MTUS2: variants seen among roughly 807,000 people sequenced by gnomAD.
MTUS2 encodes microtubule-associated tumor suppressor candidate 2.
A neutral mutation model predicts 114.1 loss-of-function variants in MTUS2; 40 were observed. That is an observed-to-expected ratio of 0.35 (90% confidence interval 0.27 to 0.46). The LOEUF is 0.46. Among genes scored for constraint, MTUS2 ranks in the 20% least tolerant of loss-of-function variants. The pLI, the probability that MTUS2 is intolerant of heterozygous loss-of-function variation, is 1.00. For synonymous variants in MTUS2, 688 were observed against 672.0 expected, an observed-to-expected ratio of 1.02 and a Z score of -0.37; for missense variants, 1,679 against 1,705.4, an observed-to-expected ratio of 0.98 and a Z score of 0.27.
At chr13:29,261,488 C>G (rs1291264719) in intron 5 of MTUS2, among the ~76,000 whole-genome samples, 7 of 152,232 alleles carry the variant, frequency 4.6e-5, no homozygotes, top group African/African-American at 1.4e-4. Context: ...TGTAATAATC[C>G]ACAAGTCCCT....
At chr13:28,997,853 G>T (rs9670121) in intron 2 of MTUS2, among the ~76,000 whole-genome samples, 8 of 152,146 alleles carry the variant, frequency 5.3e-5, no homozygotes, top group African/African-American at 1.9e-4. Context: ...CAATTTGCCA[G>T]TCTGTGCCTT....
chr13:28,902,024 C>A (rs1495936), intron 2 of MTUS2, among the ~76,000 whole-genome samples: 34,276 of 152,024 alleles, frequency 0.23, 6,738 homozygotes, highest in African/African-American at 0.53. Flanking sequence ...GAATTTAAAA[C>A]TTTTCAGCTT....
At chr13:29,193,112 C>T (rs1274269273) in intron 5 of MTUS2, among the ~76,000 whole-genome samples, 1 of 152,134 alleles carries the variant, frequency 6.6e-6, no homozygotes, top group African/African-American at 2.4e-5. Context: ...CCTCTAACTG[C>T]AGAAATGCTG....
chr13:28,992,028 T>C (rs1051128229), intron 2 of MTUS2, among the ~76,000 whole-genome samples: 1 of 152,192 alleles, frequency 6.6e-6, no homozygotes, highest in African/African-American at 2.4e-5. Context: ...CCTGCCTACC[T>C]CTAGGAACTA....
At chr13:29,267,963 T>G (rs1227779525) in intron 5 of MTUS2, among the ~76,000 whole-genome samples, 1 of 152,112 alleles carries the variant, frequency 6.6e-6, no homozygotes, top group Non-Finnish European at 1.5e-5. Flanking sequence ...TAAGAGATCA[T>G]TTAGAATCCT....
intron 4 of MTUS2, among the ~76,000 whole-genome samples, chr13:29,036,016 T>A (rs1210688701): frequency 1.3e-5 from 2 of 150,880 alleles, no homozygotes; most frequent in Non-Finnish European, 3.0e-5. Context: ...TGGGGGTGTG[T>A]GCCTGTAATC....
intron 2 of MTUS2, among the ~76,000 whole-genome samples, chr13:28,909,164 G>A (rs1880241570): frequency 2.0e-5 from 3 of 151,510 alleles, no homozygotes. Context: ...GATTGACTTG[G>A]CGATGCGGGC....
At chr13:29,379,847 A>G (rs190198460) in intron 8 of MTUS2, among the ~76,000 whole-genome samples, 17 of 152,348 alleles carry the variant, frequency 1.1e-4, no homozygotes, top group African/African-American at 3.8e-4. Flanking sequence ...GGAGAAACAG[A>G]CATAAGGGTA....
Position 29,437,809 on chromosome 13 carries a change from A to G in MTUS2, c.3118-2174A>G, listed in dbSNP as rs558636311. ...TAAAAATACAGAAAATTAGCTGGGCATGGTGGCATGCACCTGTAGTCCCTG... is the reference window on the plus strand; with the variant it reads ...TAAAAATACAGAAAATTAGCTGGGCGTGGTGGCATGCACCTGTAGTCCCTG... On this transcript the variant is annotated intron_variant, in intron 8 of 15. Transcript: ENST00000612955. 7.2e-5 allele frequency among the ~76,000 whole-genome samples: 11 copies of G among 152,218 alleles called. No individual in the cohort carries two copies. The East Asian group carries it at 1.4e-3, about 19-fold the overall frequency.
intron 8 of MTUS2, among the ~76,000 whole-genome samples, chr13:29,392,157 AAAC>A (rs1183524433): frequency 1.6e-4 from 24 of 146,860 alleles, no homozygotes; most frequent in African/African-American, 5.0e-4. Flanking sequence ...AAAAAAAAAA[AAAC>A]CAAAAAAACA....
chr13:29,307,232 G>A, intron 6 of MTUS2: 1 of 605,702 alleles, frequency 1.7e-6, no homozygotes, highest in Admixed American at 2.2e-5. Flanking sequence ...AATGCCTCCT[G>A]CACCATGAAT....
chr13:29,026,376 G>A lies in MTUS2; in HGVS notation c.1678G>A (p.Val560Met), dbSNP rs371733167. Residue 560 changes from valine to methionine, a missense_variant, in exon 3 of 16, where the codon GTG (valine) becomes ATG (methionine). Physicochemically the swap from Val to Met is conservative, Grantham distance 21. Around this residue, in one of 3 missense-constraint regions of MTUS2, gnomAD observed 843 missense variants for 770.8 expected, o/e 1.09. Coordinates refer to ENST00000612955, the MANE Select transcript of MTUS2 (RefSeq NM_001033602.4). The part of the protein sequence containing the change: ...TPSSSFQDVS[V>M]FGMDAGSPLV... The stretch of plus-strand genomic sequence containing the variant: ...CAGTAGCAGTTTTCAGGATGTTAGC[G>A]TGTTCGGTATGGATGCGGGGTCCCC... The A allele has an allele frequency of 1.4e-5, 23 of 1,613,800 alleles. No homozygotes were observed. The highest frequency in any genetic ancestry group is 9.9e-5 in the South Asian group (9 of 91,080).
Position 29,026,777 on chromosome 13 carries a change from C to G in MTUS2, c.2079C>G (p.Ala693=). 2.5e-6 allele frequency: 4 copies of G among 1,613,782 alleles called. No homozygotes were observed. The highest frequency in any genetic ancestry group is 3.4e-6 in the Non-Finnish European group (4 of 1,179,890). The part of the protein sequence containing the change: ...KAAGGDLKPS[A]NLYEKFKPDL... Reference sequence around the variant, plus strand: ...CAGGTGGTGACCTGAAGCCATCTGCCAACCTCTATGAGAAATTCAAGCCAG... The same window carrying G: ...CAGGTGGTGACCTGAAGCCATCTGCGAACCTCTATGAGAAATTCAAGCCAG... The change falls in exon 3 of 16, where the codon GCC becomes GCG. Residue 693 remains alanine, a synonymous_variant. Transcript: ENST00000612955.
At chr13:29,434,008 GGTTGGATTTTC>G (rs1324366750) in intron 8 of MTUS2, among the ~76,000 whole-genome samples, 1 of 152,092 alleles carries the variant, frequency 6.6e-6, no homozygotes, top group Non-Finnish European at 1.5e-5. Context: ...CAGCTCACAG[GGTTGGATTTTC>G]CTGATCCACA....
chr13:28,888,850 G>C (rs899104201), intron 2 of MTUS2, among the ~76,000 whole-genome samples: 1 of 152,200 alleles, frequency 6.6e-6, no homozygotes, highest in Non-Finnish European at 1.5e-5. Context: ...GATATTGCAA[G>C]CAACCTTTGG....
chr13:28,864,787 G>A (rs1314255357), intron 2 of MTUS2, among the ~76,000 whole-genome samples: 1 of 152,170 alleles, frequency 6.6e-6, no homozygotes, highest in Non-Finnish European at 1.5e-5. Flanking sequence ...TCCCAGAGAG[G>A]GAGACCCATA....
intron 6 of MTUS2, among the ~76,000 whole-genome samples, chr13:29,288,570 A>G (rs1489896586): frequency 6.6e-6 from 1 of 152,180 alleles, no homozygotes; most frequent in African/African-American, 2.4e-5. Context: ...TGAGAAAAGT[A>G]AAGAATTACT....
At chr13:29,405,011 G>A (rs1874645291) in intron 8 of MTUS2, among the ~76,000 whole-genome samples, 1 of 152,210 alleles carries the variant, frequency 6.6e-6, no homozygotes, top group South Asian at 2.1e-4. Flanking sequence ...TAAGCCTCAA[G>A]AAGCCTTTCT....
At chr13:29,449,238 A>G (rs929822679) in intron 9 of MTUS2, among the ~76,000 whole-genome samples, 1 of 152,114 alleles carries the variant, frequency 6.6e-6, no homozygotes, top group African/African-American at 2.4e-5. Context: ...GTAGGAATAT[A>G]AGTTTGCGGC....
Sources: allele counts gnomAD v4.1 joint callset (sites outside exome capture counted in the v4.1 genomes callset), GRCh38; gene constraint gnomAD v4.1.1; regional missense constraint gnomAD v4.1.1; transcripts MANE v1.5; gene names NCBI Gene and HGNC (gene_info 2026-07-23, HGNC 2026-07-21).